TYMS: variants seen among roughly 807,000 people sequenced by gnomAD.
The protein encoded by TYMS is thymidylate synthetase, also known as thymidylate synthase.
A neutral mutation model predicts 39.3 loss-of-function variants in TYMS; 21 were observed. The ratio of observed to expected loss-of-function variants is 0.54; its 90% CI spans 0.38 to 0.77. The LOEUF (loss-of-function observed/expected upper bound fraction) is 0.77. Among genes scored for constraint, TYMS ranks in the 30% least tolerant of loss-of-function variants. The probability of loss-of-function intolerance (pLI) is 0.00; values close to 1 mark genes in which losing one functional copy is unlikely to be tolerated. For missense variants in TYMS, 273 were observed against 406.7 expected (o/e 0.67, Z 2.83); for synonymous variants, 171 against 162.2 (o/e 1.05, Z -0.41).
At chr18:672,793 G>C (rs540710744) in intron 6 of TYMS, 67 bp from the exon 7 acceptor site, 1 of 1,480,384 alleles carries the variant, frequency 6.8e-7, no homozygotes, top group Non-Finnish European at 9.1e-7. Flanking sequence ...CTTGTTTCAC[G>C]GACATGAGGA....
At position 660,022 on chromosome 18, in the gene TYMS, C is replaced by T. The variant is rs892960637; in HGVS notation, c.279+308C>T. On this transcript the variant is annotated intron_variant, in intron 2 of 6. Transcript: ENST00000323274. The surrounding 1 kb of genome is among the most constrained non-coding windows in gnomAD (Gnocchi z 4.6). ...GGCGGAGGTTGTAGTGAGCTGAGAT[C>T]GTGGCACTGTACTCCAGCCTGGGCG... 6.6e-6 allele frequency among the ~76,000 whole-genome samples: 1 copy of T among 152,142 alleles called. No homozygotes were observed. The highest frequency in any genetic ancestry group is 2.4e-5 in the African/African-American group (1 of 41,416).
intron 3 of TYMS, among the ~76,000 whole-genome samples, chr18:667,119 T>A (rs287601): frequency 8.3e-5 from 6 of 72,314 alleles, no homozygotes; most frequent in Non-Finnish European, 1.0e-4. Flanking sequence ...ATGGTGATGG[T>A]GATGGTGATG....
In TYMS at chr18:657,886, C is replaced by T. The variant is rs2074704968; in HGVS notation, c.144C>T (p.Asp48=). ...QHILRCGVRK[D]DRTGTGTLSV... is the part of the protein sequence containing the mutation. ...TCCTCCGCTGCGGCGTCAGGAAGGA[C>T]GACCGCACGGGCACCGGCACCCTGT... is the stretch of plus-strand genomic sequence containing the variant. The change falls in exon 1 of 7, where the codon GAC becomes GAT. Residue 48 remains aspartate (D), a synonymous_variant. Transcript: ENST00000323274. 2 of 1,511,858 alleles carry T rather than the reference C, an allele frequency of 1.3e-6. No individual in the cohort carries two copies. Among genetic ancestry groups the T allele is most frequent in the Admixed American group, 2.3e-5 (1 of 43,726 alleles). 93.7% of individuals were successfully genotyped at this position (1,511,858 alleles called of 1,614,324 possible).
At position 657,759 on chromosome 18, in the gene TYMS, C is replaced by G. The variant is rs1257230944; in HGVS notation, c.17C>G (p.Ser6Trp). The G allele has an allele frequency of 7.0e-7, 1 of 1,421,488 alleles. No individual in the cohort carries two copies. The highest frequency in any genetic ancestry group is 9.1e-7 in the Non-Finnish European group (1 of 1,096,758). The allele number at this position is 1,421,488 out of a possible 1,614,324, so 88.1% of individuals were successfully genotyped here. A position where few individuals can be genotyped will look rare whatever the true frequency, so the allele number is the denominator to read the frequency against. Residue 6 changes from serine (S) to tryptophan (W), a missense_variant, in exon 1 of 7, where the codon TCG becomes TGG. This residue lies in a region of TYMS where 228 missense variants were observed against 326.1 expected (regional missense o/e 0.70). Coordinates refer to ENST00000323274, the MANE Select transcript of TYMS (RefSeq NM_001071.4). ...CGCCGCGCCATGCCTGTGGCCGGCT[C>G]GGAGCTGCCGCGCCGGCCCTTGCCC... is the stretch of plus-strand genomic sequence containing the variant. Reference protein sequence around the residue: MPVAGSELPRRPLPPA... With the variant: MPVAGWELPRRPLPPA...
Position 673,047 on chromosome 18 carries a change from C to A in TYMS, c.*50C>A, listed in dbSNP as rs758363328. ...ATATTGTCAGTCTTTAGGGGTTGGG[C>A]TGGATGCCGAGGTAAAAGTTCTTTT... On this transcript the variant is annotated 3_prime_UTR_variant, in exon 7 of 7. Transcript: ENST00000323274. 10 of 1,448,110 alleles carry A rather than the reference C, an allele frequency of 6.9e-6. No individual in the cohort carries two copies. The highest frequency in any genetic ancestry group is 9.2e-6 in the Non-Finnish European group (10 of 1,083,380). 89.7% of individuals were successfully genotyped at this position (1,448,110 alleles called of 1,614,324 possible).
At chr18:661,757 G>A (rs1044967183) in intron 2 of TYMS, among the ~76,000 whole-genome samples, 3 of 152,188 alleles carry the variant, frequency 2.0e-5, no homozygotes, top group African/African-American at 4.8e-5. Context: ...AGGCCGAAGT[G>A]GGCGGATCAC....
chr18:669,784 T>C (rs547578904), intron 4 of TYMS, among the ~76,000 whole-genome samples: 2 of 152,160 alleles, frequency 1.3e-5, no homozygotes, highest in Admixed American at 6.5e-5. Context: ...TTAACAATTA[T>C]ATTGTAAAAT....
Position 672,931 on chromosome 18 carries a change from A to C in TYMS, c.876A>C (p.Lys292Asn). 1 of 1,598,532 alleles carries C rather than the reference A, an allele frequency of 6.3e-7. No individual in the cohort carries two copies. Among genetic ancestry groups the C allele is most frequent in the South Asian group, 1.1e-5 (1 of 89,730 alleles). Reference sequence around the variant, plus strand: ...AAGTTGAGAAAATTGATGACTTCAAAGCTGAAGACTTTCAGATTGAAGGGT... The same window carrying C: ...AAGTTGAGAAAATTGATGACTTCAACGCTGAAGACTTTCAGATTGAAGGGT... ...LRKVEKIDDFKAEDFQIEGYN... is the reference protein window; with the variant it reads ...LRKVEKIDDFNAEDFQIEGYN... The change falls in exon 7 of 7, where the codon AAA becomes AAC. Residue 292 changes from lysine to asparagine, a missense_variant. Transcript: ENST00000323274.
At chr18:667,617 G>GGTGATGGCGATGGCGATGGAGATGGAGAT (rs201838394) in intron 3 of TYMS, 3 of 46,618 alleles carry the variant, frequency 6.4e-5, no homozygotes, top group African/African-American at 4.1e-4. Flanking sequence ...TGATGGAGAT[G>GGTGATGGCGATGGCGATGGAGATGGAGAT]GGTGATGGTG....
At chr18:669,648 T>C (rs2606243) in intron 4 of TYMS, among the ~76,000 whole-genome samples, 1 of 152,214 alleles carries the variant, frequency 6.6e-6, no homozygotes, top group South Asian at 2.1e-4. Context: ...ATGATCTTAA[T>C]TTGTGTATTT....
chr18:662,343 T>G (rs773399171), intron 3 of TYMS, 23 bp downstream of exon 3: 15 of 1,577,076 alleles, frequency 9.5e-6, no homozygotes, highest in Non-Finnish European at 1.2e-5. Flanking sequence ...AACAATGCCT[T>G]CCATTTCCCG....
chr18:667,992 A>ATTTTTTTTTTTTTTTTTTTTTT lies in TYMS; in HGVS notation c.455-1061_455-1060insTTTTTTTTTTTTTTTTTTTTTT, dbSNP rs60409589. 4.7e-5 allele frequency among the ~76,000 whole-genome samples: 5 copies of ATTTTTTTTTTTTTTTTTTTTTT among 105,362 alleles called. 1 individual carries two copies. Among genetic ancestry groups the ATTTTTTTTTTTTTTTTTTTTTT allele is most frequent in the African/African-American group, 1.8e-4 (4 of 21,852 alleles). The allele number at this position is 105,362 out of a possible 152,430, so 69.1% of individuals were successfully genotyped here. ...AATTTTGTTTTACAGATTCACAGGA[A>ATTTTTTTTTTTTTTTTTTTTTT]TTTTTTTTTTTTTTTTTTTAATGCA... On this transcript the variant is annotated intron_variant, in intron 3 of 6. Coordinates refer to ENST00000323274, the MANE Select transcript of TYMS (RefSeq NM_001071.4).
At chr18:669,261 C>A in intron 4 of TYMS, 88 bp downstream of exon 4, 1 of 1,144,976 alleles carries the variant, frequency 8.7e-7, no homozygotes, top group Non-Finnish European at 1.3e-6. Context: ...CTGAGGGAGG[C>A]AGGACCCTGG....
intron 4 of TYMS, among the ~76,000 whole-genome samples, chr18:669,730 GGAAGCAGAT>G (rs1399075080): frequency 6.6e-6 from 1 of 151,644 alleles, no homozygotes; most frequent in Non-Finnish European, 1.5e-5. Context: ...CATTTTAAAT[GGAAGCAGAT>G]GAAGTTCCAG....
chr18:666,650 G>C (rs577831867), intron 3 of TYMS, among the ~76,000 whole-genome samples: 1 of 152,306 alleles, frequency 6.6e-6, no homozygotes, highest in South Asian at 2.1e-4. Context: ...AGGAATTTGG[G>C]CCTGGTGATG....
chr18:669,395 C>CA (rs1438649295), intron 4 of TYMS: 33 of 365,958 alleles, frequency 9.0e-5, no homozygotes, highest in Non-Finnish European at 1.4e-4. Context: ...TTTTTTGAGA[C>CA]AGAGTTTTGC....
At chr18:671,638 G>A (rs1274409208) in intron 6 of TYMS, 187 bp downstream of exon 6, 1 of 620,048 alleles carries the variant, frequency 1.6e-6, no homozygotes, top group Non-Finnish European at 2.8e-6. Flanking sequence ...AGCAACCATG[G>A]GCACTTAACA....
At position 667,533 on chromosome 18, in the gene TYMS, GGT is replaced by G. The variant is rs1244240322; in HGVS notation, c.455-1537_455-1536del. On this transcript the variant is annotated intron_variant, in intron 3 of 6. Transcript: ENST00000323274. ...TGGTGATGGTGATGGTGATGGAGAT[GGT>G]GATGGTGATGGTGATGGAGATGGTG... 1.5e-4 allele frequency among the ~76,000 whole-genome samples: 13 copies of G among 85,386 alleles called. 5 individuals carry two copies. The highest frequency in any genetic ancestry group is 8.5e-4 in the African/African-American group (11 of 12,930). The allele number at this position is 85,386 out of a possible 152,430, so 56.0% of individuals were successfully genotyped here.
At chr18:667,167 T>TGATGGTGATGGTGATGGTGATGGA (rs1567990111) in intron 3 of TYMS, among the ~76,000 whole-genome samples, 18 of 63,304 alleles carry the variant, frequency 2.8e-4, no homozygotes, top group Non-Finnish European at 4.8e-4. Flanking sequence ...ATGGAGATGG[T>TGATGGTGATGGTGATGGTGATGGA]GATGGTGATG....
Sources: allele counts gnomAD v4.1 joint callset (sites outside exome capture counted in the v4.1 genomes callset), GRCh38; gene constraint gnomAD v4.1.1; regional missense constraint gnomAD v4.1.1; non-coding constraint Gnocchi (gnomAD v3.1); transcripts MANE v1.5; gene names NCBI Gene and HGNC (gene_info 2026-07-23, HGNC 2026-07-21).